POU6F2: variants seen among roughly 807,000 people sequenced by gnomAD.
POU6F2 encodes POU class 6 homeobox 2, also known as POU domain, class 6, transcription factor 2.
In POU6F2, 31 loss-of-function variants were observed where a neutral mutation model predicts 71.3. That is an observed-to-expected ratio of 0.43 (90% CI 0.33 to 0.59). The LOEUF (loss-of-function observed/expected upper bound fraction) is 0.59, where lower values mean the gene tolerates loss of function less well. Ranked by LOEUF, POU6F2 falls within the 20% of genes least tolerant of loss-of-function variation. The pLI, the probability that POU6F2 is intolerant of heterozygous loss-of-function variation, is 0.04. For missense variants in POU6F2, 783 were observed against 856.8 expected, an observed-to-expected ratio of 0.91 and a Z score of 1.07; for synonymous variants, 347 against 355.7, an observed-to-expected ratio of 0.98 and a Z score of 0.27.
At chr7:39,268,014 C>G (rs1240523494) in intron 4 of POU6F2, among the ~76,000 whole-genome samples, 1 of 152,084 alleles carries the variant, frequency 6.6e-6, no homozygotes, top group Non-Finnish European at 1.5e-5. Flanking sequence ...AAGGTGCACC[C>G]CACAGCAATC....
At chr7:39,007,203 T>C (rs1186902089) in intron 1 of POU6F2, among the ~76,000 whole-genome samples, 1 of 152,240 alleles carries the variant, frequency 6.6e-6, no homozygotes, top group Non-Finnish European at 1.5e-5. Flanking sequence ...TAATCTTTTA[T>C]GGAATTTTAT....
chr7:39,310,260 A>G (rs779554740), intron 4 of POU6F2, among the ~76,000 whole-genome samples: 1 of 152,220 alleles, frequency 6.6e-6, no homozygotes, highest in Non-Finnish European at 1.5e-5. Flanking sequence ...TTTTTTGAAA[A>G]ATAACTTTCC....
At chr7:39,082,719 C>A (rs1386382317) in intron 1 of POU6F2, among the ~76,000 whole-genome samples, 2 of 151,524 alleles carry the variant, frequency 1.3e-5, no homozygotes, top group African/African-American at 2.4e-5. Flanking sequence ...CAAATGGACC[C>A]CCCAGTGGCT....
intron 2 of POU6F2, among the ~76,000 whole-genome samples, chr7:39,137,356 A>G (rs541287443): frequency 6.6e-6 from 1 of 152,340 alleles, no homozygotes; most frequent in African/African-American, 2.4e-5. Context: ...GGGACATGTC[A>G]AATAAATTAC....
chr7:39,130,252 C>T (rs1233188014), intron 2 of POU6F2, among the ~76,000 whole-genome samples: 3 of 150,536 alleles, frequency 2.0e-5, no homozygotes, highest in African/African-American at 7.4e-5. Flanking sequence ...TCAGATGAAA[C>T]AAAATGAATG....
chr7:39,038,091 G>A (rs1031666746), intron 1 of POU6F2, among the ~76,000 whole-genome samples: 13 of 151,984 alleles, frequency 8.6e-5, no homozygotes, highest in Non-Finnish European at 1.6e-4. Flanking sequence ...GCTTAACTGA[G>A]CATTCAAAAA....
chr7:39,155,225 T>C (rs1025541247), intron 2 of POU6F2, among the ~76,000 whole-genome samples: 1 of 149,244 alleles, frequency 6.7e-6, no homozygotes, highest in South Asian at 2.2e-4. Context: ...CAAACAAATA[T>C]TTCTCTTGCT....
At chr7:39,014,505 C>A (rs181488387) in intron 1 of POU6F2, among the ~76,000 whole-genome samples, 1 of 152,138 alleles carries the variant, frequency 6.6e-6, no homozygotes, top group Non-Finnish European at 1.5e-5. Context: ...TTGGGTAATA[C>A]AAAGACAACA....
rs371284550 is a variant in POU6F2, at chr7:39,199,612, C to T, written c.278-4623C>T. Among the ~76,000 whole-genome samples, 131 of 152,164 alleles carry T rather than the reference C, an allele frequency of 8.6e-4. 2 individuals are homozygous for T. In the South Asian group the frequency reaches 0.02, roughly 23 times the overall value. On this transcript the variant is annotated intron_variant, in intron 2 of 9. Coordinates refer to ENST00000518318, the MANE Select transcript of POU6F2 (RefSeq NM_001370959.1). ...GGTGGAGAGAATGGAGTGTGGGAGG[C>T]TTGGTCCTCAGGAGGGCACTGAAGA...
intron 2 of POU6F2, among the ~76,000 whole-genome samples, chr7:39,140,658 A>G (rs1434935383): frequency 6.6e-6 from 1 of 152,090 alleles, no homozygotes; most frequent in African/African-American, 2.4e-5. Flanking sequence ...ATCCAGGATA[A>G]TCTTCCTATC....
intron 4 of POU6F2, among the ~76,000 whole-genome samples, chr7:39,222,691 T>C (rs1321026335): frequency 2.0e-5 from 3 of 152,230 alleles, no homozygotes; most frequent in Non-Finnish European, 4.4e-5. Context: ...TTGTTTTGCT[T>C]AGCATAATGT....
intron 2 of POU6F2, among the ~76,000 whole-genome samples, chr7:39,087,818 G>T (rs1188761762): frequency 6.6e-6 from 1 of 152,048 alleles, no homozygotes; most frequent in African/African-American, 2.4e-5. Context: ...TCCAAAAGAG[G>T]GGTGATTGAT....
chr7:39,146,126 G>A lies in POU6F2; in HGVS notation c.278-58109G>A, dbSNP rs541704958. ...CCACATGTGCTAAATGTTATGGGAGGAAGAGCACTGGAAATGATGATCTAA... is the reference window on the plus strand; with the variant it reads ...CCACATGTGCTAAATGTTATGGGAGAAAGAGCACTGGAAATGATGATCTAA... On this transcript the variant is annotated intron_variant, in intron 2 of 9. Transcript: ENST00000518318. 6.5e-4 allele frequency among the ~76,000 whole-genome samples: 99 copies of A among 152,304 alleles called. 1 individual carries two copies. The highest frequency in any genetic ancestry group is 1.9e-3 in the South Asian group (9 of 4,816).
intron 2 of POU6F2, among the ~76,000 whole-genome samples, chr7:39,132,879 C>T (rs1792317842): frequency 6.6e-6 from 1 of 151,994 alleles, no homozygotes; most frequent in Non-Finnish European, 1.5e-5. Flanking sequence ...TGCCTTTTTT[C>T]CCCCTCATTA....
chr7:39,013,387 C>G (rs1156886545), intron 1 of POU6F2: 2 of 152,928 alleles, frequency 1.3e-5, no homozygotes, highest in African/African-American at 4.8e-5. Context: ...TGCTTCGGCT[C>G]GCGCACGGTG....
chr7:38,981,555 ATATT>A (rs1299650408), intron 1 of POU6F2, among the ~76,000 whole-genome samples: 1 of 152,216 alleles, frequency 6.6e-6, no homozygotes. Flanking sequence ...TTAGATGAAA[ATATT>A]TATCAAGTAT....
At chr7:39,166,814 G>A (rs1260423988) in intron 2 of POU6F2, among the ~76,000 whole-genome samples, 2 of 152,102 alleles carry the variant, frequency 1.3e-5, no homozygotes, top group Non-Finnish European at 2.9e-5. Flanking sequence ...TTCCAAGCAG[G>A]TGCACTTCTT....
intron 5 of POU6F2, among the ~76,000 whole-genome samples, chr7:39,400,379 T>G (rs1006339061): frequency 6.6e-6 from 1 of 152,210 alleles, no homozygotes; most frequent in African/African-American, 2.4e-5. Context: ...TCCCTCTTTT[T>G]CCATGAGTTG....
At chr7:39,260,550 A>ATACCACGTT (rs1784115726) in intron 4 of POU6F2, among the ~76,000 whole-genome samples, 1 of 62,770 alleles carries the variant, frequency 1.6e-5, no homozygotes, top group Non-Finnish European at 3.8e-5. Context: ...TTCCACACAC[A>ATACCACGTT]CCACATTCCA....
Sources: gnomAD v4.1 joint callset for allele counts (sites outside exome capture counted in the v4.1 genomes callset) on GRCh38, gnomAD v4.1.1 for gene constraint, MANE v1.5 for transcripts, NCBI Gene and HGNC (gene_info 2026-07-23, HGNC 2026-07-21) for gene names.